The following PRH1 variants were observed in gnomAD, a reference collection of about 807,000 sequenced individuals.
PRH1 encodes salivary acidic proline-rich phosphoprotein 1/2.
Under a neutral mutation model 7.9 loss-of-function variants are expected in PRH1, and 7 were observed. The observed-to-expected ratio is 0.89, with a 90% CI of 0.50 to 1.67. PRH1 has a LOEUF of 1.67. Among genes scored for constraint, PRH1 ranks in the 40% most tolerant of loss-of-function variants. The pLI is 0.00. For synonymous variants in PRH1, 45 were observed against 80.8 expected, an observed-to-expected ratio of 0.56 and a Z score of 2.38; for missense variants, 109 against 223.6, an observed-to-expected ratio of 0.49 and a Z score of 3.27.
At chr12:10,881,695 G>A (rs1163216883) in intron 3 of PRH1, among the ~76,000 whole-genome samples, 1 of 152,106 alleles carries the variant, frequency 6.6e-6, no homozygotes, top group East Asian at 1.9e-4. Context: ...GATGAGTTAG[G>A]CTCTTACTAT....
At chr12:11,016,863 G>C (rs1168380091) in intron 1 of PRH1, among the ~76,000 whole-genome samples, 1 of 152,158 alleles carries the variant, frequency 6.6e-6, no homozygotes, top group East Asian at 1.9e-4. Flanking sequence ...TGGCAACAAT[G>C]ATTGAAAAAT....
At position 11,097,258 on chromosome 12, in the gene PRH1, G is replaced by A. The variant is rs186013472; in HGVS notation, n.124-50070C>T. The A allele has an allele frequency of 6.1e-4, 148 of 240,930 alleles. 31 individuals carry two copies. The highest frequency in any genetic ancestry group is 2.9e-3 in the African/African-American group (111 of 37,706). The allele number at this position is 240,930 out of a possible 1,614,324, so 14.9% of individuals were successfully genotyped here. A position where few individuals can be genotyped will look rare whatever the true frequency, so the allele number is the denominator to read the frequency against. On this transcript the variant is annotated intron_variant and non_coding_transcript_variant, in intron 1 of 4. Transcript: ENST00000541977. Reference sequence around the variant, plus strand: ...AAACAAAACTGAATCTGGTGCTTCTGTGGAATTCCACCATTTAATCCTATC... The same window carrying A: ...AAACAAAACTGAATCTGGTGCTTCTATGGAATTCCACCATTTAATCCTATC...
intron 2 of PRH1, among the ~76,000 whole-genome samples, chr12:10,897,776 C>G (rs1424185139): frequency 6.6e-6 from 1 of 152,150 alleles, no homozygotes. Context: ...TCACTATTGC[C>G]ACACCACCAC....
chr12:11,022,941 A>G (rs1451148575), intron 1 of PRH1, among the ~76,000 whole-genome samples: 4 of 152,178 alleles, frequency 2.6e-5, no homozygotes, highest in African/African-American at 9.7e-5. Flanking sequence ...TTCCTTGTTT[A>G]ACCTCTCCAT....
chr12:11,170,816 CAA>C (rs1947812502), intron 1 of PRH1, among the ~76,000 whole-genome samples: 1 of 152,138 alleles, frequency 6.6e-6, no homozygotes, highest in Non-Finnish European at 1.5e-5. Flanking sequence ...TAGAAAAATC[CAA>C]AGACTAAGAT....
At position 11,147,275 on chromosome 12, in the gene PRH1, C is replaced by A. The variant is rs139590400; in HGVS notation, n.39+24147G>T. On this transcript the variant is annotated intron_variant and non_coding_transcript_variant, in intron 1 of 1. Transcript: ENST00000541175. The stretch of plus-strand genomic sequence containing the variant: ...GCACGATCTCGGCTCACTGCAGCAT[C>A]AGCCTCCCAAGATCAGATCCTCCCA... Among the ~76,000 whole-genome samples the A allele has an allele frequency of 2.8e-3, 424 of 152,282 alleles. 8 individuals are homozygous for A. The highest frequency in any genetic ancestry group is 6.0e-4 in the Non-Finnish European group (41 of 68,034).
At position 11,156,683 on chromosome 12, in the gene PRH1, G is replaced by C. The variant is rs926427470; in HGVS notation, n.39+14739C>G. Among the ~76,000 whole-genome samples the C allele has an allele frequency of 6.6e-5, 10 of 152,142 alleles. No homozygotes were observed. In the East Asian group the frequency reaches 1.9e-3, roughly 29 times the overall value. On this transcript the variant is annotated intron_variant and non_coding_transcript_variant, in intron 1 of 1. Transcript: ENST00000541175. ...TTTTTCAGTCATTATTTTGGTGGTAGAAAGAAACTTTCACTCTATTTCTGT... is the reference window on the plus strand; with the variant it reads ...TTTTTCAGTCATTATTTTGGTGGTACAAAGAAACTTTCACTCTATTTCTGT...
intron 1 of PRH1, among the ~76,000 whole-genome samples, chr12:11,145,767 T>G (rs1224736768): frequency 3.3e-5 from 5 of 152,176 alleles, no homozygotes; most frequent in African/African-American, 4.8e-5. Flanking sequence ...AAGAACTTTT[T>G]TTTTGTAACA....
intron 1 of PRH1, chr12:10,997,918 C>CCATCAGTGACA: frequency 7.9e-7 from 1 of 1,268,828 alleles, no homozygotes; most frequent in Non-Finnish European, 1.1e-6. Flanking sequence ...CCTAATGTCA[C>CCATCAGTGACA]TGATGGTGAC....
At chr12:11,116,128 AAAC>A (rs1198897654), downstream of PRH1, among the ~76,000 whole-genome samples, 2 of 152,068 alleles carry the variant, frequency 1.3e-5, no homozygotes, top group South Asian at 4.1e-4. Context: ...TTGAAAAGTT[AAAC>A]AACATTGACA....
At chr12:10,882,757 A>G (rs1225086642) in intron 2 of PRH1, 59 bp from the exon 3 acceptor site, 10 of 1,595,868 alleles carry the variant, frequency 6.3e-6, no homozygotes, top group Non-Finnish European at 8.5e-6. Flanking sequence ...CTGTCTTCAT[A>G]CCTCTCTGTC....
chr12:10,973,525 G>C, intron 2 of PRH1: 1 of 569,884 alleles, frequency 1.8e-6, no homozygotes, highest in Non-Finnish European at 3.1e-6. Context: ...TACCCTCCTT[G>C]AGTAGGCTTT....
intron 2 of PRH1, among the ~76,000 whole-genome samples, chr12:10,901,329 A>G (rs937693908): frequency 6.6e-6 from 1 of 152,102 alleles, no homozygotes; most frequent in African/African-American, 2.4e-5. Context: ...CTGGATTAAG[A>G]GTTTAGGCCA....
At chr12:10,896,292 C>T (rs918238238) in intron 2 of PRH1, among the ~76,000 whole-genome samples, 1 of 152,108 alleles carries the variant, frequency 6.6e-6, no homozygotes, top group African/African-American at 2.4e-5. Context: ...TCATCTACCA[C>T]CCTGGGCTAG....
chr12:10,888,017 T>C (rs937759600), upstream of PRH1, among the ~76,000 whole-genome samples: 1 of 152,198 alleles, frequency 6.6e-6, no homozygotes, highest in Non-Finnish European at 1.5e-5. Flanking sequence ...CTCAGTTAGA[T>C]CCACCTGTCA....
chr12:11,062,076 T>C lies in PRH1; in HGVS notation n.124-14888A>G, dbSNP rs761326330. The stretch of plus-strand genomic sequence containing the variant: ...TTCTTACTTCTATACTGTTAAAAGC[T>C]GGATTCAACTCAGTTGCATACCAAT... On this transcript the variant is annotated intron_variant and non_coding_transcript_variant, in intron 1 of 4. Coordinates refer to the PRH1 transcript ENST00000541977. 4 of 1,613,710 alleles carry C rather than the reference T, an allele frequency of 2.5e-6. No homozygotes were observed. The East Asian group carries it at 8.9e-5, about 36-fold the overall frequency.
At chr12:11,091,613 A>C in intron 1 of PRH1, 2 of 1,291,370 alleles carry the variant, frequency 1.5e-6, no homozygotes, top group Non-Finnish European at 2.2e-6. Flanking sequence ...CATCTTCTTG[A>C]GATGTTTACA....
chr12:11,136,981 G>A (rs1946576369), intron 1 of PRH1, among the ~76,000 whole-genome samples: 1 of 152,118 alleles, frequency 6.6e-6, no homozygotes, highest in African/African-American at 2.4e-5. Flanking sequence ...GTAATACAAA[G>A]GTCACAGAAG....
intron 1 of PRH1, among the ~76,000 whole-genome samples, chr12:11,067,334 C>T (rs752791289): frequency 2.0e-5 from 3 of 152,132 alleles, no homozygotes; most frequent in Non-Finnish European, 4.4e-5. Context: ...TTTAGAGACA[C>T]ATTTTGGGAT....
Sources: allele counts gnomAD v4.1 joint callset (sites outside exome capture counted in the v4.1 genomes callset), GRCh38; gene constraint gnomAD v4.1.1; transcripts MANE v1.5; gene names NCBI Gene and HGNC (gene_info 2026-07-23, HGNC 2026-07-21).